Variants in ADAMTS6 observed in about 807,000 individuals in gnomAD.
The protein encoded by ADAMTS6 is A disintegrin and metalloproteinase with thrombospondin motifs 6.
In ADAMTS6, 23 loss-of-function variants were observed where a neutral mutation model predicts 144.3. The ratio of observed to expected loss-of-function variants is 0.16; its 90% CI spans 0.11 to 0.23. The LOEUF (loss-of-function observed/expected upper bound fraction) is 0.23. Among genes scored for constraint, ADAMTS6 ranks in the 10% least tolerant of loss-of-function variants. The pLI is 1.00. For missense variants in ADAMTS6, 999 were observed against 1,379.6 expected (o/e 0.72, Z 4.37); for synonymous variants, 444 against 457.5 (o/e 0.97, Z 0.38).
chr5:65,397,876 TAAAAA>T (rs34170790), intron 7 of ADAMTS6, among the ~76,000 whole-genome samples: 5 of 121,698 alleles, frequency 4.1e-5, no homozygotes, highest in Admixed American at 1.7e-4. Flanking sequence ...GACCCTGTCT[TAAAAA>T]AAAAAAAAAA....
chr5:65,367,333 A>G (rs1388812452), intron 7 of ADAMTS6, among the ~76,000 whole-genome samples: 1 of 152,156 alleles, frequency 6.6e-6, no homozygotes, highest in African/African-American at 2.4e-5. Context: ...TAATACTCCA[A>G]CCCTAGAGCC....
In ADAMTS6 at chr5:65,300,007, C is replaced by A. The variant is rs1405548629; in HGVS notation, c.1348G>T (p.Asp450Tyr). ...TACTCTAGAAAGCTGGTGATGTAGT[C>A]TCGACTGCAAGCAGACCAGGAAAAA... ...NPFSWSACSR[D>Y]YITSFLDSGR... Residue 450 changes from aspartate to tyrosine, a missense_variant, in exon 10 of 25, where the codon GAC (aspartate) becomes TAC (tyrosine). Coordinates refer to ENST00000381055, the MANE Select transcript of ADAMTS6 (RefSeq NM_197941.4). 2 of 1,613,798 alleles carry A rather than the reference C, an allele frequency of 1.2e-6. No individual in the cohort carries two copies. The highest frequency in any genetic ancestry group is 1.7e-5 in the Admixed American group (1 of 59,956).
intron 7 of ADAMTS6, among the ~76,000 whole-genome samples, chr5:65,407,854 A>C (rs1754687333): frequency 6.6e-6 from 1 of 152,150 alleles, no homozygotes; most frequent in Admixed American, 6.6e-5. Context: ...AACATTATTA[A>C]AGAAAAGAAT....
intron 8 of ADAMTS6, 42 bp downstream of exon 8, chr5:65,333,997 TAAA>T (rs750637450): frequency 0.031 from 25,883 of 823,846 alleles, 26 homozygotes; most frequent in African/African-American, 0.087. Flanking sequence ...CTACCTTTAT[TAAA>T]AAAAAAAAAA....
intron 7 of ADAMTS6, among the ~76,000 whole-genome samples, chr5:65,362,647 G>A (rs1271584231): frequency 6.6e-6 from 1 of 152,138 alleles, no homozygotes; most frequent in Non-Finnish European, 1.5e-5. Context: ...ACATGTTTCA[G>A]ATGTAAGTAC....
intron 7 of ADAMTS6, among the ~76,000 whole-genome samples, chr5:65,347,393 A>C (rs1748428101): frequency 6.6e-6 from 1 of 152,042 alleles, no homozygotes; most frequent in Non-Finnish European, 1.5e-5. Context: ...AAGAACGAGT[A>C]ATGGAGAAAA....
At chr5:65,465,698 G>C (rs1227879273) in intron 3 of ADAMTS6, among the ~76,000 whole-genome samples, 1 of 152,170 alleles carries the variant, frequency 6.6e-6, no homozygotes, top group Admixed American at 6.5e-5. Context: ...GCAATTTGCA[G>C]TGCTACTCTT....
intron 24 of ADAMTS6, among the ~76,000 whole-genome samples, chr5:65,158,019 C>T (rs1752531584): frequency 6.6e-6 from 1 of 152,226 alleles, no homozygotes; most frequent in African/African-American, 2.4e-5. Context: ...GTCTTATTCC[C>T]TGGATGCCAC....
chr5:65,245,443 T>A (rs190451960), intron 14 of ADAMTS6, among the ~76,000 whole-genome samples: 33 of 152,316 alleles, frequency 2.2e-4, no homozygotes. Context: ...TTCTGCTGTG[T>A]GATTCTAGCC....
At chr5:65,302,498 G>T (rs1743539670) in intron 9 of ADAMTS6, among the ~76,000 whole-genome samples, 1 of 151,426 alleles carries the variant, frequency 6.6e-6, no homozygotes, top group Admixed American at 6.6e-5. Context: ...ATGTATGAGA[G>T]TATCCAGAGC....
intron 10 of ADAMTS6, among the ~76,000 whole-genome samples, chr5:65,297,881 C>T (rs1450089606): frequency 6.6e-6 from 1 of 152,146 alleles, no homozygotes; most frequent in Non-Finnish European, 1.5e-5. Context: ...ATAGTTTTAA[C>T]TTTGTGAGCA....
At chr5:65,232,955 A>G (rs1038080501) in intron 15 of ADAMTS6, among the ~76,000 whole-genome samples, 1 of 152,136 alleles carries the variant, frequency 6.6e-6, no homozygotes, top group African/African-American at 2.4e-5. Context: ...TCAACAAAAT[A>G]CTAGCAAATT....
At chr5:65,206,527 G>A (rs572633263) in intron 20 of ADAMTS6, among the ~76,000 whole-genome samples, 139 of 151,756 alleles carry the variant, frequency 9.2e-4, no homozygotes, top group African/African-American at 3.0e-3. Flanking sequence ...GTGAAACCCC[G>A]TCTCTACTAA....
At chr5:65,374,746 A>T (rs1437020048) in intron 7 of ADAMTS6, among the ~76,000 whole-genome samples, 1 of 152,164 alleles carries the variant, frequency 6.6e-6, no homozygotes, top group East Asian at 1.9e-4. Context: ...CTTCACAGAA[A>T]TGGAATAAAC....
At chr5:65,435,406 A>T (rs1757312369) in intron 7 of ADAMTS6, among the ~76,000 whole-genome samples, 1 of 152,144 alleles carries the variant, frequency 6.6e-6, no homozygotes, top group African/African-American at 2.4e-5. Context: ...AAAAATGTTT[A>T]CATCTGCTAA....
intron 22 of ADAMTS6, among the ~76,000 whole-genome samples, chr5:65,181,378 A>C (rs1391273297): frequency 6.6e-6 from 1 of 152,212 alleles, no homozygotes; most frequent in South Asian, 2.1e-4. Context: ...CAAAGACTTA[A>C]GAGGATTTCT....
At chr5:65,221,693 G>C (rs1475167443) in intron 18 of ADAMTS6, among the ~76,000 whole-genome samples, 1 of 152,122 alleles carries the variant, frequency 6.6e-6, no homozygotes, top group Non-Finnish European at 1.5e-5. Context: ...TGGAAAGATA[G>C]AAGTAAAAGT....
chr5:65,303,738 G>A (rs115632615), intron 9 of ADAMTS6, among the ~76,000 whole-genome samples: 19 of 152,010 alleles, frequency 1.2e-4, no homozygotes, highest in African/African-American at 4.3e-4. Context: ...AATTAAAAGA[G>A]GGGAAAATGA....
intron 7 of ADAMTS6, among the ~76,000 whole-genome samples, chr5:65,434,711 A>C (rs1561538481): frequency 6.6e-6 from 1 of 152,196 alleles, no homozygotes; most frequent in Non-Finnish European, 1.5e-5. Context: ...ACTAATTGCT[A>C]CTTATTGACT....
Sources: gnomAD v4.1 joint callset for allele counts (sites outside exome capture counted in the v4.1 genomes callset) on GRCh38, gnomAD v4.1.1 for gene constraint, MANE v1.5 for transcripts, NCBI Gene and HGNC (gene_info 2026-07-23, HGNC 2026-07-21) for gene names.